The following FAM210A variants were observed in gnomAD, a reference collection of about 807,000 sequenced individuals.
FAM210A encodes the protein family with sequence similarity 210 member A.
In FAM210A, 13 loss-of-function variants were observed where a neutral mutation model predicts 25.3. That is an observed-to-expected ratio of 0.51 (90% CI 0.33 to 0.82). FAM210A has a LOEUF of 0.82. Ranked by LOEUF, FAM210A falls within the 40% of genes least tolerant of loss-of-function variation. The pLI is 0.02. For synonymous variants in FAM210A, 125 were observed against 118.7 expected (o/e 1.05, Z -0.35); for missense variants, 319 against 323.2 (o/e 0.99, Z 0.10).
At chr18:13,692,924 C>CA (rs1294183884) in intron 1 of FAM210A, among the ~76,000 whole-genome samples, 1 of 151,954 alleles carries the variant, frequency 6.6e-6, no homozygotes, top group Non-Finnish European at 1.5e-5. Context: ...GATAGAGACA[C>CA]AAAAAACCCT....
chr18:13,722,150 G>A (rs1320734068), intron 1 of FAM210A, among the ~76,000 whole-genome samples: 1 of 151,888 alleles, frequency 6.6e-6, no homozygotes, highest in Non-Finnish European at 1.5e-5. Flanking sequence ...TCAGTAGACT[G>A]CCCAACGAGT....
intron 1 of FAM210A, among the ~76,000 whole-genome samples, chr18:13,712,383 T>C (rs1457274720): frequency 1.3e-5 from 2 of 152,122 alleles, no homozygotes; most frequent in East Asian, 3.9e-4. Context: ...TGTAAGAAAA[T>C]TCAATTTGAC....
At chr18:13,686,154 C>A (rs2043595124) in intron 1 of FAM210A, among the ~76,000 whole-genome samples, 1 of 152,028 alleles carries the variant, frequency 6.6e-6, no homozygotes, top group Non-Finnish European at 1.5e-5. Flanking sequence ...ATTAAAAAAG[C>A]AATAAAGGAA....
At chr18:13,722,844 C>A (rs1036844883) in intron 1 of FAM210A, among the ~76,000 whole-genome samples, 2 of 130,814 alleles carry the variant, frequency 1.5e-5, no homozygotes, top group South Asian at 2.9e-4. Context: ...CCTTTTCTTT[C>A]CTTTCTTTTT....
rs140626528 is a variant in FAM210A at position 13,720,195 on chromosome 18, T to G, written c.-29+6134A>C. Among the ~76,000 whole-genome samples the G allele has an allele frequency of 3.2e-3, 485 of 152,298 alleles. 3 individuals carry two copies. The highest frequency in any genetic ancestry group is 5.0e-3 in the Non-Finnish European group (341 of 68,022). On this transcript the variant is annotated intron_variant, in intron 1 of 3. Transcript: ENST00000651643. ...GCTCCAAAATCCTAAGGTTCTACAC[T>G]GTATCTCCTATAGGGCCTGCAAAAG...
At chr18:13,706,224 A>G (rs1459653745) in intron 1 of FAM210A, among the ~76,000 whole-genome samples, 1 of 152,158 alleles carries the variant, frequency 6.6e-6, no homozygotes, top group African/African-American at 2.4e-5. Context: ...TTCTCCCCAG[A>G]AAAAGATGGC....
chr18:13,713,809 T>C (rs930133036), intron 1 of FAM210A, among the ~76,000 whole-genome samples: 3 of 151,410 alleles, frequency 2.0e-5, no homozygotes, highest in African/African-American at 7.3e-5. Context: ...GGCACAATCA[T>C]AGCTCATCAA....
chr18:13,697,956 C>T lies in FAM210A; in HGVS notation c.-28-15851G>A, dbSNP rs116054560. Among the ~76,000 whole-genome samples, 605 of 152,260 alleles carry T rather than the reference C, an allele frequency of 4.0e-3. 3 individuals carry two copies. The highest frequency in any genetic ancestry group is 0.014 in the African/African-American group (565 of 41,542). On this transcript the variant is annotated intron_variant, in intron 1 of 3. Coordinates refer to ENST00000651643, the MANE Select transcript of FAM210A (RefSeq NM_152352.4). Reference sequence around the variant, plus strand: ...CATATTGCCAAGTCAAAGAAGCCAGCTTAAAAAGGTTATTCTGGGAAAACA... The same window carrying T: ...CATATTGCCAAGTCAAAGAAGCCAGTTTAAAAAGGTTATTCTGGGAAAACA...
intron 3 of FAM210A, among the ~76,000 whole-genome samples, chr18:13,668,258 A>G (rs2043416437): frequency 6.6e-6 from 1 of 152,152 alleles, no homozygotes; most frequent in African/African-American, 2.4e-5. Context: ...CCCCTGAACC[A>G]CTGGAACCAT....
intron 1 of FAM210A, among the ~76,000 whole-genome samples, chr18:13,686,165 T>C (rs972687026): frequency 2.6e-5 from 4 of 152,112 alleles, no homozygotes; most frequent in African/African-American, 9.7e-5. Context: ...AATAAAGGAA[T>C]ACTATGAATA....
chr18:13,709,409 G>A (rs1289419472), intron 1 of FAM210A, among the ~76,000 whole-genome samples: 3 of 152,168 alleles, frequency 2.0e-5, no homozygotes, highest in Non-Finnish European at 4.4e-5. Context: ...ACTTTTTGCA[G>A]TTCCCTCTCC....
chr18:13,666,422 C>T lies in FAM210A; in HGVS notation c.*58G>A. On this transcript the variant is annotated 3_prime_UTR_variant, in exon 4 of 4. Coordinates refer to ENST00000651643, the MANE Select transcript of FAM210A (RefSeq NM_152352.4). ...AAATAATCAGACACATGTATCTTTG[C>T]CCATAGTTTCCAAAGGGTTAAAGTG... 7.3e-7 allele frequency: 1 copy of T among 1,363,984 alleles called. No individual in the cohort carries two copies. The highest frequency in any genetic ancestry group is 1.0e-6 in the Non-Finnish European group (1 of 978,342). The allele number at this position is 1,363,984 out of a possible 1,614,324, so 84.5% of individuals were successfully genotyped here.
chr18:13,724,999 C>T (rs986120562), intron 1 of FAM210A, among the ~76,000 whole-genome samples: 1 of 152,162 alleles, frequency 6.6e-6, no homozygotes, highest in Non-Finnish European at 1.5e-5. Context: ...GTCTCAAACT[C>T]CTGACCTCGT....
At chr18:13,691,580 G>A (rs921947723) in intron 1 of FAM210A, among the ~76,000 whole-genome samples, 1 of 152,104 alleles carries the variant, frequency 6.6e-6, no homozygotes, top group Non-Finnish European at 1.5e-5. Flanking sequence ...CTACAAGCCA[G>A]AAGAGAGTGG....
chr18:13,702,650 ACTACT>A (rs2043749554), intron 1 of FAM210A, among the ~76,000 whole-genome samples: 1 of 152,150 alleles, frequency 6.6e-6, no homozygotes, highest in Non-Finnish European at 1.5e-5. Context: ...CTCAAAATTA[ACTACT>A]CTAGACTCCT....
At chr18:13,666,758 C>T in intron 3 of FAM210A, 45 bp from the exon 4 acceptor site, 1 of 1,540,446 alleles carries the variant, frequency 6.5e-7, no homozygotes, top group South Asian at 1.2e-5. Flanking sequence ...CTGGTTATTA[C>T]TGTCATCTTA....
Position 13,665,900 on chromosome 18 carries a change from T to C in FAM210A, c.*580A>G, listed in dbSNP as rs2043397281. On this transcript the variant is annotated 3_prime_UTR_variant, in exon 4 of 4. Coordinates refer to ENST00000651643, the MANE Select transcript of FAM210A (RefSeq NM_152352.4). ...TTTTCATTTACGTACAATCAGTACA[T>C]CTTATTTACATATATGACTGGATCT... 1 of 152,704 alleles carries C rather than the reference T, an allele frequency of 6.5e-6. No homozygotes were observed. Among genetic ancestry groups the C allele is most frequent in the Admixed American group, 6.5e-5 (1 of 15,394 alleles). 9.5% of individuals were successfully genotyped at this position (152,704 alleles called of 1,614,324 possible).
At position 13,664,643 on chromosome 18, in the gene FAM210A, A is replaced by G. The variant is rs2043385510; in HGVS notation, c.*1837T>C. 6.6e-6 allele frequency: 1 copy of G among 152,250 alleles called. No individual in the cohort carries two copies. The highest frequency in any genetic ancestry group is 2.4e-5 in the African/African-American group (1 of 41,470). The allele number at this position is 152,250 out of a possible 1,614,324, so 9.4% of individuals were successfully genotyped here. A position where few individuals can be genotyped will look rare whatever the true frequency, so the allele number is the denominator to read the frequency against. Reference sequence around the variant, plus strand: ...CCAAGACTGCAGAGAGCAGAGACACAGCTGCATCTCTCAGCACTCTCCCCG... The same window carrying G: ...CCAAGACTGCAGAGAGCAGAGACACGGCTGCATCTCTCAGCACTCTCCCCG... On this transcript the variant is annotated 3_prime_UTR_variant, in exon 4 of 4. Coordinates refer to ENST00000651643, the MANE Select transcript of FAM210A (RefSeq NM_152352.4).
chr18:13,718,718 C>T (rs1284196), intron 1 of FAM210A, among the ~76,000 whole-genome samples: 130,586 of 152,182 alleles, frequency 0.86, 56,110 homozygotes, highest in East Asian at 0.95. Context: ...CTAAAACATG[C>T]TTAGCAATAG....
Sources: gnomAD v4.1 joint callset for allele counts (sites outside exome capture counted in the v4.1 genomes callset) on GRCh38, gnomAD v4.1.1 for gene constraint, MANE v1.5 for transcripts, NCBI Gene and HGNC (gene_info 2026-07-23, HGNC 2026-07-21) for gene names.